The following MYOCD variants were observed in gnomAD, a reference collection of about 807,000 sequenced individuals.
The protein encoded by MYOCD is myocardin.
In MYOCD, 32 loss-of-function variants were observed where a neutral mutation model predicts 96.1. The ratio of observed to expected loss-of-function variants is 0.33; its 90% confidence interval spans 0.25 to 0.45. The LOEUF (loss-of-function observed/expected upper bound fraction) is 0.45. Among genes scored for constraint, MYOCD ranks in the 20% least tolerant of loss-of-function variants. The probability of loss-of-function intolerance (pLI) is 1.00; values close to 1 mark genes in which losing one functional copy is unlikely to be tolerated. For missense variants in MYOCD, 1,133 were observed against 1,200.6 expected, an observed-to-expected ratio of 0.94 and a Z score of 0.83; for synonymous variants, 469 against 469.0, an observed-to-expected ratio of 1.00 and a Z score of 0.00.
rs115273682 is a variant in MYOCD at position 12,684,569 on chromosome 17, G to T, written c.55+18326G>T. 5.7e-3 allele frequency among the ~76,000 whole-genome samples: 863 copies of T among 152,278 alleles called. 12 individuals carry two copies. Among genetic ancestry groups the T allele is most frequent in the African/African-American group, 0.02 (814 of 41,556 alleles). On this transcript the variant is annotated intron_variant, in intron 1 of 13. Transcript: ENST00000425538. ...GATTAAGAATTTCACAATGGTGACCGGGTGCAGTGGCTCATGCCTGTAATC... is the reference window on the plus strand; with the variant it reads ...GATTAAGAATTTCACAATGGTGACCTGGTGCAGTGGCTCATGCCTGTAATC...
chr17:12,754,319 G>A (rs1044930112), intron 10 of MYOCD, among the ~76,000 whole-genome samples: 4 of 152,176 alleles, frequency 2.6e-5, no homozygotes, highest in South Asian at 2.1e-4. Context: ...GGCCAGGCTG[G>A]TCTCTAACTC....
Position 12,739,283 on chromosome 17 carries a change from G to A in MYOCD, c.672G>A (p.Gly224=). ...ACCAGTCAGATGCGGGGAAGCAGGGGCTTGGCCCCCCCAGCACCCCCATAG... is the reference window on the plus strand; with the variant it reads ...ACCAGTCAGATGCGGGGAAGCAGGGACTTGGCCCCCCCAGCACCCCCATAG... The part of the protein sequence containing the change: ...PSHQSDAGKQ[G]LGPPSTPIAV... Residue 224 remains glycine, a synonymous_variant, in exon 7 of 14, where the codon GGG becomes GGA. Coordinates refer to ENST00000425538, the MANE Select transcript of MYOCD (RefSeq NM_001146312.3). The A allele has an allele frequency of 2.5e-6, 4 of 1,608,496 alleles. No homozygotes were observed. Among genetic ancestry groups the A allele is most frequent in the Non-Finnish European group, 3.4e-6 (4 of 1,177,808 alleles).
In MYOCD at chr17:12,683,801, G is replaced by A. The variant is rs1028746790; in HGVS notation, c.55+17558G>A. Among the ~76,000 whole-genome samples the A allele has an allele frequency of 5.9e-5, 9 of 152,116 alleles. 1 individual carries two copies. Among genetic ancestry groups the A allele is most frequent in the Non-Finnish European group, 1.3e-4 (9 of 68,030 alleles). On this transcript the variant is annotated intron_variant, in intron 1 of 13. Coordinates refer to ENST00000425538, the MANE Select transcript of MYOCD (RefSeq NM_001146312.3). ...TCTCTAGGCTGTAAACTTTCCATAG[G>A]CAGAACTTGTGACAGTTTTATTCAC...
intron 1 of MYOCD, among the ~76,000 whole-genome samples, chr17:12,683,508 C>G (rs368528407): frequency 5.5e-4 from 83 of 152,094 alleles, no homozygotes; most frequent in African/African-American, 1.9e-3. Flanking sequence ...CTCATTCTCT[C>G]TTTCTTATCA....
chr17:12,735,793 C>T (rs1198267221), intron 5 of MYOCD, among the ~76,000 whole-genome samples: 3 of 152,200 alleles, frequency 2.0e-5, no homozygotes, highest in South Asian at 4.1e-4. Context: ...GACACGGGCG[C>T]ATGCTCCCAC....
At chr17:12,701,243 C>T (rs1306082353) in intron 1 of MYOCD, among the ~76,000 whole-genome samples, 1 of 152,030 alleles carries the variant, frequency 6.6e-6, no homozygotes, top group Non-Finnish European at 1.5e-5. Flanking sequence ...GAAACCTCGT[C>T]TCTACTAAAA....
chr17:12,719,174 C>CAAAAAAAAAA (rs71144920), intron 4 of MYOCD, among the ~76,000 whole-genome samples: 1,249 of 49,160 alleles, frequency 0.025, 176 homozygotes, highest in African/African-American at 0.032. Flanking sequence ...GACTCTGTCT[C>CAAAAAAAAAA]AAAAAAAAAA....
chr17:12,752,906 A>C lies in MYOCD; in HGVS notation c.1618A>C (p.Arg540=). 6.2e-7 allele frequency: 1 copy of C among 1,614,168 alleles called. No homozygotes were observed. The highest frequency in any genetic ancestry group is 8.5e-7 in the Non-Finnish European group (1 of 1,180,034). Residue 540 remains arginine, a synonymous_variant, in exon 10 of 14, where the codon AGG becomes CGG. Coordinates refer to ENST00000425538, the MANE Select transcript of MYOCD (RefSeq NM_001146312.3). ...ELTWKLQQEQ[R]QVEELRMQLQ... ...CACCTGGAAACTCCAGCAAGAGCAG[A>C]GGCAGGTGGAGGAGCTGAGGATGCA... is the stretch of plus-strand genomic sequence containing the variant.
chr17:12,677,526 C>T (rs1252783987), intron 1 of MYOCD, among the ~76,000 whole-genome samples: 1 of 151,958 alleles, frequency 6.6e-6, no homozygotes, highest in East Asian at 1.9e-4. Flanking sequence ...ACCTGGCTAA[C>T]ACAGTGAAAC....
intron 5 of MYOCD, among the ~76,000 whole-genome samples, chr17:12,730,158 A>T (rs935554078): frequency 6.6e-6 from 1 of 151,616 alleles, no homozygotes; most frequent in Non-Finnish European, 1.5e-5. Flanking sequence ...CAAAAAAAGG[A>T]AAAAAAAGGC....
intron 2 of MYOCD, among the ~76,000 whole-genome samples, chr17:12,707,194 C>T (rs1414974010): frequency 2.0e-5 from 3 of 152,234 alleles, no homozygotes; most frequent in African/African-American, 7.2e-5. Flanking sequence ...AGTGTGTTTC[C>T]TCTGGCACCT....
chr17:12,714,323 GCACACACACA>G (rs4054959), intron 2 of MYOCD, among the ~76,000 whole-genome samples: 16 of 136,142 alleles, frequency 1.2e-4, no homozygotes, highest in African/African-American at 2.7e-4. Context: ...TGAGGCACGT[GCACACACACA>G]CACACACACA....
Position 12,736,151 on chromosome 17 carries a change from AC to A in MYOCD, c.416-5del. On this transcript the variant is annotated splice_polypyrimidine_tract_variant and intron_variant, in intron 5 of 13. Coordinates refer to ENST00000425538, the MANE Select transcript of MYOCD (RefSeq NM_001146312.3). ...GCCACTGACCAAGTTCCTGGATTTCACCCCCTCAGGTAACCAGGTGAGTTTC... is the reference window on the plus strand; with the variant it reads ...GCCACTGACCAAGTTCCTGGATTTCACCCCTCAGGTAACCAGGTGAGTTTC... 1 of 1,613,224 alleles carries A rather than the reference AC, an allele frequency of 6.2e-7. No individual in the cohort carries two copies. The highest frequency in any genetic ancestry group is 8.5e-7 in the Non-Finnish European group (1 of 1,179,450).
At chr17:12,731,873 C>T (rs908443579) in intron 5 of MYOCD, among the ~76,000 whole-genome samples, 1 of 152,220 alleles carries the variant, frequency 6.6e-6, no homozygotes, top group Non-Finnish European at 1.5e-5. Flanking sequence ...CCATCAACAG[C>T]GACGAGCTAA....
intron 3 of MYOCD, 103 bp downstream of exon 3, chr17:12,715,677 T>C: frequency 1.1e-6 from 1 of 870,876 alleles, no homozygotes; most frequent in East Asian, 2.7e-5. Flanking sequence ...ACAAACACAA[T>C]CAATTTGCCA....
Position 12,764,268 on chromosome 17 carries a change from A to G in MYOCD, c.*624A>G, listed in dbSNP as rs977757140. 2 of 152,246 alleles carry G rather than the reference A, an allele frequency of 1.3e-5. No homozygotes were observed. Among genetic ancestry groups the G allele is most frequent in the Non-Finnish European group, 2.9e-5 (2 of 68,088 alleles). 9.4% of individuals were successfully genotyped at this position (152,246 alleles called of 1,614,324 possible). On this transcript the variant is annotated 3_prime_UTR_variant, in exon 14 of 14. Coordinates refer to ENST00000425538, the MANE Select transcript of MYOCD (RefSeq NM_001146312.3). ...CCTGCTGGAGTGGTTCTGAACCTGT[A>G]CCCAGGACTCGATGTGGTCACTAAT...
intron 9 of MYOCD, among the ~76,000 whole-genome samples, chr17:12,747,371 A>AAGAC: frequency 6.6e-6 from 1 of 151,546 alleles, no homozygotes; most frequent in East Asian, 2.0e-4. Context: ...CAATGACAGA[A>AAGAC]GGAGAGTAGA....
intron 10 of MYOCD, among the ~76,000 whole-genome samples, chr17:12,754,661 A>G (rs1415125991): frequency 6.6e-6 from 1 of 152,234 alleles, no homozygotes. Flanking sequence ...GGTGACTGAC[A>G]AAGACTTTAT....
chr17:12,715,842 CACT>C (rs2031623673), intron 3 of MYOCD, among the ~76,000 whole-genome samples: 1 of 152,144 alleles, frequency 6.6e-6, no homozygotes, highest in Non-Finnish European at 1.5e-5. Context: ...AGTAGGGATG[CACT>C]GGAGTCAAAA....
Sources: allele counts gnomAD v4.1 joint callset (sites outside exome capture counted in the v4.1 genomes callset), GRCh38; gene constraint gnomAD v4.1.1; transcripts MANE v1.5; gene names NCBI Gene and HGNC (gene_info 2026-07-23, HGNC 2026-07-21).